Variants in TNKS2 observed in about 807,000 individuals in gnomAD.
TNKS2 encodes the protein tankyrase 2, also known as poly [ADP-ribose] polymerase tankyrase-2.
Under a neutral mutation model 137.6 loss-of-function variants are expected in TNKS2, and 72 were observed. That is an observed-to-expected ratio of 0.52 (90% CI 0.43 to 0.64). The LOEUF (loss-of-function observed/expected upper bound fraction) is 0.64. TNKS2 is among the 30% of genes least tolerant of loss of function. TNKS2 has a pLI of 0.00. For missense variants in TNKS2, 1,049 were observed against 1,410.2 expected, an observed-to-expected ratio of 0.74 and a Z score of 4.10; for synonymous variants, 516 against 512.1, an observed-to-expected ratio of 1.01 and a Z score of -0.10.
In TNKS2 at chr10:91,813,104, C is replaced by T; in HGVS notation, c.321C>T (p.Val107=). The T allele has an allele frequency of 6.2e-7, 1 of 1,614,098 alleles. No homozygotes were observed. The highest frequency in any genetic ancestry group is 2.2e-5 in the East Asian group (1 of 44,880). The part of the protein sequence containing the change: ...NACSFGHAEV[V]NLLLRHGADP... ...GCTCTTTTGGTCATGCTGAAGTAGT[C>T]AATCTCCTTTTGCGACATGGTGCAG... Residue 107 remains valine (V), a synonymous_variant, in exon 2 of 27, where the codon GTC becomes GTT. Transcript: ENST00000371627.
rs371281715 is a variant in TNKS2 at position 91,855,168 on chromosome 10, T to G, written c.2913+42T>G. 5.1e-6 allele frequency: 6 copies of G among 1,181,694 alleles called. No individual in the cohort carries two copies. The African/African-American group carries it at 9.0e-5, about 18-fold the overall frequency. 73.2% of individuals were successfully genotyped at this position (1,181,694 alleles called of 1,614,324 possible). A position where few individuals can be genotyped will look rare whatever the true frequency, so the allele number is the denominator to read the frequency against. On this transcript the variant is annotated intron_variant, in intron 22 of 26. Coordinates refer to ENST00000371627, the MANE Select transcript of TNKS2 (RefSeq NM_025235.4). ...TCAATAGTAGGTTTGCCGTATATAT[T>G]TAGTTCACTTTGTATCCTCTTGTTT...
At position 91,815,165 on chromosome 10, in the gene TNKS2, G is replaced by A. The variant is rs553508438; in HGVS notation, c.424+1958G>A. Among the ~76,000 whole-genome samples the A allele has an allele frequency of 5.9e-5, 9 of 152,288 alleles. No individual in the cohort carries two copies. In the South Asian group the frequency reaches 1.7e-3, roughly 28 times the overall value. On this transcript the variant is annotated intron_variant, in intron 2 of 26. Coordinates refer to ENST00000371627, the MANE Select transcript of TNKS2 (RefSeq NM_025235.4). ...TTCCTGATGTAAAACAGGGACAGTT[G>A]AAATCCTTAACAGATAGAAAGCCAG...
chr10:91,860,421 A>C (rs1842822474), intron 25 of TNKS2, among the ~76,000 whole-genome samples: 2 of 152,116 alleles, frequency 1.3e-5, no homozygotes, highest in African/African-American at 4.8e-5. Flanking sequence ...CCACCTTCTC[A>C]GTTGCTGATT....
At chr10:91,833,811 T>G in intron 11 of TNKS2, 42 bp from the exon 12 acceptor site, 1 of 1,488,772 alleles carries the variant, frequency 6.7e-7, no homozygotes, top group Non-Finnish European at 9.0e-7. Flanking sequence ...GGTTTTAAAT[T>G]TTGCATTGCG....
intron 7 of TNKS2, among the ~76,000 whole-genome samples, chr10:91,823,050 CAA>C (rs879552963): frequency 1.3e-4 from 14 of 109,312 alleles, no homozygotes; most frequent in Non-Finnish European, 1.0e-4. Flanking sequence ...GACCTTGTCT[CAA>C]AAAAAAAAAA....
chr10:91,802,656 C>G (rs768911074), intron 1 of TNKS2, among the ~76,000 whole-genome samples: 1 of 152,240 alleles, frequency 6.6e-6, no homozygotes, highest in Admixed American at 6.5e-5. Flanking sequence ...GATTGCCATT[C>G]ATATCTTTTC....
chr10:91,798,427 G>C lies in TNKS2; in HGVS notation c.-264G>C. The C allele has an allele frequency of 7.1e-6, 2 of 279,858 alleles. No individual in the cohort carries two copies. The highest frequency in any genetic ancestry group is 1.3e-5 in the Non-Finnish European group (2 of 153,072). The allele number at this position is 279,858 out of a possible 1,614,324, so 17.3% of individuals were successfully genotyped here. On this transcript the variant is annotated 5_prime_UTR_variant, in exon 1 of 27. Coordinates refer to ENST00000371627, the MANE Select transcript of TNKS2 (RefSeq NM_025235.4). The stretch of plus-strand genomic sequence containing the variant: ...GGAGCTGGCAGGAGGGGCCTTGCCA[G>C]CTTCCGCCGCCGCGTCGTTTCAGGA...
chr10:91,852,677 G>A (rs111328671), intron 21 of TNKS2, among the ~76,000 whole-genome samples: 2,378 of 152,308 alleles, frequency 0.016, 78 homozygotes, highest in African/African-American at 0.055. Context: ...TGAACGTCCT[G>A]GCTGTACACC....
At chr10:91,841,948 GACT>G (rs770643109) in intron 15 of TNKS2, among the ~76,000 whole-genome samples, 16 of 118,444 alleles carry the variant, frequency 1.4e-4, no homozygotes, top group East Asian at 2.9e-4. Flanking sequence ...TTAAAATTTT[GACT>G]ACATTAATGC....
chr10:91,862,022 C>T lies in TNKS2; in HGVS notation c.3305C>T (p.Thr1102Ile), dbSNP rs200094091. The T allele has an allele frequency of 1.5e-4, 237 of 1,609,600 alleles. No individual in the cohort carries two copies. Among genetic ancestry groups the T allele is most frequent in the Non-Finnish European group, 1.9e-4 (225 of 1,177,932 alleles). Residue 1102 changes from threonine to isoleucine, a missense_variant, in exon 26 of 27, where the codon ACC (threonine) becomes ATC (isoleucine). Transcript: ENST00000371627. ...CHRQLLFCRV[T>I]LGKSFLQFSA... ...AGGCAGCTGCTCTTTTGCCGGGTAA[C>T]CTTGGGAAAGTCTTTCCTGCAGTTC...
Position 91,821,163 on chromosome 10 carries a change from G to T in TNKS2, c.728+1130G>T, listed in dbSNP as rs150222753. Among the ~76,000 whole-genome samples, 1,357 of 152,182 alleles carry T rather than the reference G, an allele frequency of 8.9e-3. 6 individuals are homozygous for T. Among genetic ancestry groups the T allele is most frequent in the Middle Eastern group, 0.024 (7 of 294 alleles). On this transcript the variant is annotated intron_variant, in intron 6 of 26. Transcript: ENST00000371627. ...AGTGATTCTCCTGCCTCAGGCTTCT[G>T]AGTAGCTGGGATTACAGGTGCACAC...
At chr10:91,816,922 A>T (rs891744303) in intron 2 of TNKS2, among the ~76,000 whole-genome samples, 1 of 152,222 alleles carries the variant, frequency 6.6e-6, no homozygotes, top group Non-Finnish European at 1.5e-5. Context: ...CTGAGGGGGA[A>T]CTTATTTAAT....
intron 12 of TNKS2, among the ~76,000 whole-genome samples, chr10:91,835,143 A>G (rs772974432): frequency 2.0e-5 from 3 of 152,132 alleles, no homozygotes; most frequent in Admixed American, 6.6e-5. Context: ...AATGCTAACT[A>G]TAAAAGTCTC....
At chr10:91,851,994 C>G (rs546475182) in intron 21 of TNKS2, among the ~76,000 whole-genome samples, 1 of 152,212 alleles carries the variant, frequency 6.6e-6, no homozygotes, top group South Asian at 2.1e-4. Context: ...TTTGGGAGGC[C>G]GATGCAGGTG....
chr10:91,855,036 C>A lies in TNKS2; in HGVS notation c.2823C>A (p.Asn941Lys). 1.9e-6 allele frequency: 3 copies of A among 1,592,534 alleles called. No individual in the cohort carries two copies. The highest frequency in any genetic ancestry group is 2.6e-6 in the Non-Finnish European group (3 of 1,161,696). Residue 941 changes from asparagine (N) to lysine (K), a missense_variant, in exon 22 of 27, where the codon AAC becomes AAA. Coordinates refer to ENST00000371627, the MANE Select transcript of TNKS2 (RefSeq NM_025235.4). ...ERLISGQQGL[N>K]PYLTLNTSGS... ...TCAAATTTTGTTTCATAGGTCTTAA[C>A]CCATATTTAACTTTGAACACCTCTG...
intron 1 of TNKS2, among the ~76,000 whole-genome samples, chr10:91,805,620 A>G (rs148267655): frequency 2.6e-4 from 40 of 152,252 alleles, no homozygotes; most frequent in African/African-American, 9.4e-4. Flanking sequence ...TACTCCAGCT[A>G]TTTCTGTGCA....
intron 21 of TNKS2, among the ~76,000 whole-genome samples, chr10:91,854,798 G>A (rs1406403362): frequency 4.6e-5 from 7 of 151,494 alleles, no homozygotes; most frequent in Non-Finnish European, 1.0e-4. Flanking sequence ...AGGTACCCGG[G>A]ATGCTAAGGC....
At chr10:91,802,599 AT>A (rs1844204389) in intron 1 of TNKS2, among the ~76,000 whole-genome samples, 1 of 152,218 alleles carries the variant, frequency 6.6e-6, no homozygotes, top group African/African-American at 2.4e-5. Context: ...GATTCCTCCA[AT>A]TGAAGGCTTT....
chr10:91,827,236 T>C, intron 8 of TNKS2, 33 bp downstream of exon 8: 1 of 1,403,430 alleles, frequency 7.1e-7, no homozygotes, highest in Non-Finnish European at 9.4e-7. Flanking sequence ...TCAGGTAGGA[T>C]ATTATATCAA....
Sources: gnomAD v4.1 joint callset for allele counts (sites outside exome capture counted in the v4.1 genomes callset) on GRCh38, gnomAD v4.1.1 for gene constraint, MANE v1.5 for transcripts, NCBI Gene and HGNC (gene_info 2026-07-23, HGNC 2026-07-21) for gene names.